The following DCAF13 variants were observed in gnomAD, a reference collection of about 807,000 sequenced individuals.
DCAF13 encodes DDB1- and CUL4-associated factor 13.
In DCAF13, 38 loss-of-function variants were observed where a neutral mutation model predicts 59.0. The ratio of observed to expected loss-of-function variants is 0.64; its 90% CI spans 0.50 to 0.84. The LOEUF is 0.84. Among genes scored for constraint, DCAF13 ranks in the 40% least tolerant of loss-of-function variants. The pLI is 0.00. For synonymous variants in DCAF13, 173 were observed against 175.0 expected, an observed-to-expected ratio of 0.99 and a Z score of 0.09; for missense variants, 469 against 558.4, an observed-to-expected ratio of 0.84 and a Z score of 1.61.
intron 3 of DCAF13, among the ~76,000 whole-genome samples, chr8:103,424,251 T>A (rs1816760143): frequency 6.6e-6 from 1 of 152,122 alleles, no homozygotes; most frequent in Non-Finnish European, 1.5e-5. Context: ...ATGGTCTCGA[T>A]CTCCTGACCT....
intron 5 of DCAF13, chr8:103,429,567 TTTAC>T (rs1816834599): frequency 6.6e-6 from 1 of 152,174 alleles, no homozygotes; most frequent in Admixed American, 6.5e-5. Flanking sequence ...AGGGCTTATT[TTTAC>T]TTAATGCCAA....
chr8:103,440,470 A>G (rs1021707806), intron 9 of DCAF13, 199 bp downstream of exon 9: 2 of 386,834 alleles, frequency 5.2e-6, no homozygotes, highest in African/African-American at 4.2e-5. Flanking sequence ...GACACTGTAC[A>G]TTCAAATTGA....
chr8:103,443,101 A>G lies in DCAF13; in HGVS notation c.*219A>G. On this transcript the variant is annotated 3_prime_UTR_variant, in exon 11 of 11. Coordinates refer to ENST00000612750, the MANE Select transcript of DCAF13 (RefSeq NM_015420.7). The stretch of plus-strand genomic sequence containing the variant: ...ATCTGCATTCTTCTTTCATTGTAGA[A>G]TACAGTATTTGCAACTCATTTTTTC... 2.6e-6 allele frequency: 1 copy of G among 387,928 alleles called. No individual in the cohort carries two copies. The highest frequency in any genetic ancestry group is 4.3e-5 in the Admixed American group (1 of 23,370). 24.0% of individuals were successfully genotyped at this position (387,928 alleles called of 1,614,324 possible). A position where few individuals can be genotyped will look rare whatever the true frequency, so the allele number is the denominator to read the frequency against.
At chr8:103,433,463 C>T (rs1169831552) in intron 7 of DCAF13, among the ~76,000 whole-genome samples, 3 of 152,098 alleles carry the variant, frequency 2.0e-5, no homozygotes, top group East Asian at 1.9e-4. Flanking sequence ...TATTATAGCG[C>T]TATGCCTTTG....
At chr8:103,438,202 C>T (rs1816959517) in intron 8 of DCAF13, among the ~76,000 whole-genome samples, 1 of 152,112 alleles carries the variant, frequency 6.6e-6, no homozygotes, top group African/African-American at 2.4e-5. Context: ...AAAAGGGCTT[C>T]TTAGGTATGT....
At chr8:103,420,212 A>G (rs1443227818) in intron 1 of DCAF13, 52 bp from the exon 2 acceptor site, 1 of 1,509,902 alleles carries the variant, frequency 6.6e-7, no homozygotes, top group African/African-American at 1.4e-5. Flanking sequence ...GCTGAGGAAG[A>G]CTGCAGGAAA....
chr8:103,426,545 A>G (rs967171843), intron 4 of DCAF13, among the ~76,000 whole-genome samples: 1 of 152,170 alleles, frequency 6.6e-6, no homozygotes, highest in Non-Finnish European at 1.5e-5. Context: ...AAGAAATTTA[A>G]TAGTATTATG....
chr8:103,437,681 T>A (rs184905456), intron 8 of DCAF13, among the ~76,000 whole-genome samples: 85 of 152,214 alleles, frequency 5.6e-4, no homozygotes, highest in African/African-American at 1.8e-3. Flanking sequence ...CTGTGGTTTG[T>A]TTCCTATCAT....
At position 103,419,141 on chromosome 8, in the gene DCAF13, C is replaced by G. The variant is rs189841409; in HGVS notation, c.71-1123C>G. On this transcript the variant is annotated intron_variant, in intron 1 of 10. Coordinates refer to ENST00000612750, the MANE Select transcript of DCAF13 (RefSeq NM_015420.7). ...CCTCGTGATCCGTCCGTCCCGGCCC[C>G]CCAAAGTGCTGGGATTACAGGCGTG... Among the ~76,000 whole-genome samples, 784 of 151,920 alleles carry G rather than the reference C, an allele frequency of 5.2e-3. 2 individuals carry two copies. Among genetic ancestry groups the G allele is most frequent in the Non-Finnish European group, 6.4e-3 (437 of 67,966 alleles).
chr8:103,441,857 C>G (rs980730586), intron 10 of DCAF13: 28 of 406,604 alleles, frequency 6.9e-5, no homozygotes, highest in African/African-American at 5.6e-4. Flanking sequence ...GCTCCGCCTC[C>G]CGGGTTCATG....
At chr8:103,430,501 C>T (rs558648982) in intron 5 of DCAF13, 111 bp from the exon 6 acceptor site, 4 of 666,536 alleles carry the variant, frequency 6.0e-6, no homozygotes, top group African/African-American at 5.5e-5. Flanking sequence ...TTAAAATGGA[C>T]TTTGTTTTTT....
In DCAF13 at chr8:103,424,859, G is replaced by A. The variant is rs567061068; in HGVS notation, c.379-1197G>A. ...AGTAGAATCAGGTTTCTAGAATTGA[G>A]TTTTAGTATAGTGCCAGTGGCTCAG... is the stretch of plus-strand genomic sequence containing the variant. On this transcript the variant is annotated intron_variant, in intron 3 of 10. Coordinates refer to ENST00000612750, the MANE Select transcript of DCAF13 (RefSeq NM_015420.7). Among the ~76,000 whole-genome samples, 3 of 152,280 alleles carry A rather than the reference G, an allele frequency of 2.0e-5. No individual in the cohort carries two copies. In the South Asian group the frequency reaches 6.2e-4, roughly 32 times the overall value.
At position 103,442,955 on chromosome 8, in the gene DCAF13, T is replaced by C. The variant is rs1289485715; in HGVS notation, c.*73T>C. On this transcript the variant is annotated 3_prime_UTR_variant, in exon 11 of 11. Transcript: ENST00000612750. ...TTGAGAACTCTACAAATAAAAGTGC[T>C]GGGACTAGATTAATTGCAAACATTT... is the stretch of plus-strand genomic sequence containing the variant. The C allele has an allele frequency of 1.3e-5, 14 of 1,042,898 alleles. No individual in the cohort carries two copies. The highest frequency in any genetic ancestry group is 2.0e-5 in the Non-Finnish European group (14 of 711,166). The allele number at this position is 1,042,898 out of a possible 1,614,324, so 64.6% of individuals were successfully genotyped here. A position where few individuals can be genotyped will look rare whatever the true frequency, so the allele number is the denominator to read the frequency against.
At chr8:103,425,984 G>T in intron 3 of DCAF13, 72 bp from the exon 4 acceptor site, 1 of 988,018 alleles carries the variant, frequency 1.0e-6, no homozygotes, top group South Asian at 1.3e-5. Context: ...ATACTTATTT[G>T]ATATGTGTTG....
chr8:103,426,206 A>T (rs1816791279), intron 4 of DCAF13, 61 bp downstream of exon 4: 3 of 1,016,350 alleles, frequency 3.0e-6, no homozygotes, highest in Non-Finnish European at 4.3e-6. Context: ...AAATTATTTT[A>T]TAGTTATAAT....
chr8:103,432,601 T>A, intron 6 of DCAF13, 58 bp from the exon 7 acceptor site: 1 of 1,095,546 alleles, frequency 9.1e-7, no homozygotes, highest in Admixed American at 1.8e-5. Flanking sequence ...TTTGCTTAAA[T>A]CAGTGGGGAA....
intron 7 of DCAF13, 123 bp from the exon 8 acceptor site, chr8:103,435,503 T>G: frequency 1.3e-6 from 1 of 745,500 alleles, no homozygotes; most frequent in Non-Finnish European, 2.0e-6. Flanking sequence ...GTGTACAGCA[T>G]TGAGCTTTTT....
At chr8:103,418,844 A>T (rs577209835) in intron 1 of DCAF13, among the ~76,000 whole-genome samples, 281 of 15,390 alleles carry the variant, frequency 0.018, 13 homozygotes, top group African/African-American at 0.076. Context: ...ATATATATAT[A>T]TATATATATA....
chr8:103,440,380 G>A, intron 9 of DCAF13, 109 bp downstream of exon 9: 1 of 976,542 alleles, frequency 1.0e-6, no homozygotes, highest in South Asian at 2.0e-5. Context: ...TGATTAAATT[G>A]ACATAGCTGT....
Sources: gnomAD v4.1 joint callset for allele counts (sites outside exome capture counted in the v4.1 genomes callset) on GRCh38, gnomAD v4.1.1 for gene constraint, MANE v1.5 for transcripts, NCBI Gene and HGNC (gene_info 2026-07-23, HGNC 2026-07-21) for gene names.